The following ZNF124 variants were observed in gnomAD, a reference collection of about 807,000 sequenced individuals.
ZNF124 encodes the protein zinc finger protein 124.
Under a neutral mutation model 26.6 loss-of-function variants are expected in ZNF124, and 25 were observed. The observed-to-expected ratio is 0.94, with a 90% CI of 0.68 to 1.31. ZNF124 has a LOEUF of 1.31. Ranked by LOEUF, ZNF124 falls within the 40% of genes most tolerant of loss-of-function variation. The probability of loss-of-function intolerance (pLI) is 0.00; values close to 1 mark genes in which losing one functional copy is unlikely to be tolerated. For missense variants in ZNF124, 444 were observed against 422.2 expected, an observed-to-expected ratio of 1.05 and a Z score of -0.45; for synonymous variants, 129 against 133.3, an observed-to-expected ratio of 0.97 and a Z score of 0.22.
intron 3 of ZNF124, among the ~76,000 whole-genome samples, chr1:247,137,728 T>A (rs542043931): frequency 6.6e-6 from 1 of 151,808 alleles, no homozygotes; most frequent in South Asian, 2.1e-4. Context: ...AGGTCTAATA[T>A]CCAGAATTTA....
chr1:247,170,465 A>G (rs1007999834), intron 1 of ZNF124, among the ~76,000 whole-genome samples: 2 of 149,896 alleles, frequency 1.3e-5, no homozygotes, highest in Non-Finnish European at 3.0e-5. Context: ...CTTGCCTTAC[A>G]TTTGGGAAAT....
chr1:247,169,834 G>T (rs539570804), intron 1 of ZNF124, among the ~76,000 whole-genome samples: 2 of 123,000 alleles, frequency 1.6e-5, no homozygotes. Context: ...AAGTCCTAGT[G>T]GATTAGCTTT....
At chr1:247,159,631 AAC>A in intron 2 of ZNF124, 54 bp downstream of exon 2, 1 of 1,574,568 alleles carries the variant, frequency 6.4e-7, no homozygotes, top group Non-Finnish European at 8.7e-7. Context: ...TGACATTGAA[AAC>A]CATGAAACAC....
At position 247,156,101 on chromosome 1, in the gene ZNF124, T is replaced by C. The variant is rs1053279616; in HGVS notation, c.*465A>G. The C allele has an allele frequency of 8.1e-6, 8 of 983,148 alleles. No homozygotes were observed. Among genetic ancestry groups the C allele is most frequent in the Middle Eastern group, 1.0e-3 (2 of 1,938 alleles). The allele number at this position is 983,148 out of a possible 1,614,324, so 60.9% of individuals were successfully genotyped here. ...CCAGTGGGAGTTTTCACATGACCTT[T>C]AAAGTAATTGTTAAAATTCAGAATT... On this transcript the variant is annotated 3_prime_UTR_variant, in exon 4 of 4. Transcript: ENST00000543802.
downstream of ZNF124, among the ~76,000 whole-genome samples, chr1:247,152,226 GCA>G (rs1672967300): frequency 6.6e-6 from 1 of 151,444 alleles, no homozygotes; most frequent in Admixed American, 6.6e-5. Flanking sequence ...TGCCCACAGG[GCA>G]CAGGTATTAA....
At chr1:247,128,769 G>T (rs1215876679) in intron 3 of ZNF124, among the ~76,000 whole-genome samples, 3 of 148,750 alleles carry the variant, frequency 2.0e-5, no homozygotes, top group African/African-American at 7.5e-5. Context: ...AAAGTACAAG[G>T]AAACCCCGCC....
intron 1 of ZNF124, among the ~76,000 whole-genome samples, chr1:247,167,097 T>TA (rs1673823150): frequency 6.6e-6 from 1 of 152,164 alleles, no homozygotes; most frequent in Admixed American, 6.5e-5. Flanking sequence ...CCACTCATGA[T>TA]AAAAATACAC....
At chr1:247,124,720 T>TA (rs1491486986) in intron 3 of ZNF124, among the ~76,000 whole-genome samples, 2 of 151,952 alleles carry the variant, frequency 1.3e-5, no homozygotes, top group African/African-American at 4.8e-5. Flanking sequence ...ATGTGGGGTT[T>TA]GTGTGTGTGT....
chr1:247,140,887 G>T (rs1325795803), intron 3 of ZNF124, among the ~76,000 whole-genome samples: 1 of 152,168 alleles, frequency 6.6e-6, no homozygotes, highest in Non-Finnish European at 1.5e-5. Flanking sequence ...GAAAGTGTGG[G>T]CTTCTCTCCC....
intron 3 of ZNF124, among the ~76,000 whole-genome samples, chr1:247,124,720 T>C (rs4925710): frequency 0.3 from 45,918 of 152,030 alleles, 7,204 homozygotes; most frequent in Middle Eastern, 0.39. Context: ...ATGTGGGGTT[T>C]GTGTGTGTGT....
intron 3 of ZNF124, among the ~76,000 whole-genome samples, chr1:247,132,475 G>T (rs990343966): frequency 6.6e-6 from 1 of 152,172 alleles, no homozygotes; most frequent in Admixed American, 6.5e-5. Context: ...TCAGAAGATG[G>T]CTAATAAAAA....
In ZNF124 at chr1:247,156,607, T is replaced by G; in HGVS notation, c.1015A>C (p.Thr339Pro). Residue 339 changes from threonine (T) to proline (P), a missense_variant, in exon 4 of 4, where the codon ACT becomes CCT. Thr to Pro is a conservative substitution (Grantham distance 38). Transcript: ENST00000543802. ...TTATAGGGCTTTTCTCCAGTATGAG[T>G]TTTTTTATGCTTCCAAAGGGTACTA... ...RASTLWKHKK[T>P]HTGEKPYKCK... 1.3e-6 allele frequency: 2 copies of G among 1,561,806 alleles called. No homozygotes were observed. Among genetic ancestry groups the G allele is most frequent in the Non-Finnish European group, 1.7e-6 (2 of 1,161,316 alleles).
chr1:247,151,359 G>A (rs1409050572), downstream of ZNF124, among the ~76,000 whole-genome samples: 2 of 151,836 alleles, frequency 1.3e-5, no homozygotes, highest in South Asian at 2.1e-4. Flanking sequence ...GGCGCCTGTA[G>A]TCCCAGCTAC....
chr1:247,164,630 G>C (rs1673674790), intron 1 of ZNF124, among the ~76,000 whole-genome samples: 1 of 151,884 alleles, frequency 6.6e-6, no homozygotes, highest in African/African-American at 2.4e-5. Context: ...TGATACAAAT[G>C]AATGGAAAAA....
downstream of ZNF124, among the ~76,000 whole-genome samples, chr1:247,150,890 CAAAT>C (rs1396509331): frequency 8.9e-6 from 1 of 112,336 alleles, no homozygotes; most frequent in East Asian, 2.0e-4. Flanking sequence ...GGAAAAATAA[CAAAT>C]AAAATTTTAT....
Position 247,157,353 on chromosome 1 carries a change from C to G in ZNF124, c.269G>C (p.Gly90Ala), listed in dbSNP as rs770958466. 6.4e-7 allele frequency: 1 copy of G among 1,555,946 alleles called. No homozygotes were observed. Among genetic ancestry groups the G allele is most frequent in the African/African-American group, 1.4e-5 (1 of 73,178 alleles). Residue 90 changes from glycine to alanine, a missense_variant, in exon 4 of 4, where the codon GGA becomes GCA. Coordinates refer to ENST00000543802, the MANE Select transcript of ZNF124 (RefSeq NM_001297568.2). Reference protein sequence around the residue: ...GNNPYGCEECGKKPCTCKQCQ... With the variant: ...GNNPYGCEECAKKPCTCKQCQ... ...TTGTTTACATGTACATGGCTTCTTTCCGCATTCCTCACACCCATATGGGTT... is the reference window on the plus strand; with the variant it reads ...TTGTTTACATGTACATGGCTTCTTTGCGCATTCCTCACACCCATATGGGTT...
chr1:247,123,754 C>G, exon 4 of ZNF124: 2 of 661,518 alleles, frequency 3.0e-6, no homozygotes, highest in South Asian at 3.2e-5. Flanking sequence ...ATTCGTGTGG[C>G]TTGCAGAGGT....
At chr1:247,137,487 C>CAAAAAA (rs56926662) in intron 3 of ZNF124, among the ~76,000 whole-genome samples, 153 of 81,638 alleles carry the variant, frequency 1.9e-3, no homozygotes, top group Admixed American at 4.1e-3. Flanking sequence ...ACTAAAAATA[C>CAAAAAA]AAAAAAAAAA....
rs374476481 is a variant in ZNF124 at position 247,138,527 on chromosome 1, C to T, written c.219-14656G>A. The T allele has an allele frequency of 2.8e-4, 102 of 363,624 alleles. No individual in the cohort carries two copies. The South Asian group carries it at 3.2e-3, about 11-fold the overall frequency. 22.5% of individuals were successfully genotyped at this position (363,624 alleles called of 1,614,324 possible). Reference sequence around the variant, plus strand: ...GGTCAATAGGTGCAGCAAACCACCGCGGCACATGTATACCCATGTAACAAA... The same window carrying T: ...GGTCAATAGGTGCAGCAAACCACCGTGGCACATGTATACCCATGTAACAAA... On this transcript the variant is annotated intron_variant, in intron 3 of 3. Transcript: ENST00000472531.
Sources: gnomAD v4.1 joint callset for allele counts (sites outside exome capture counted in the v4.1 genomes callset) on GRCh38, gnomAD v4.1.1 for gene constraint, MANE v1.5 for transcripts, NCBI Gene and HGNC (gene_info 2026-07-23, HGNC 2026-07-21) for gene names.